Variants in AK5 observed in about 807,000 individuals in gnomAD.
The protein encoded by AK5 is adenylate kinase isoenzyme 5.
AK5 carries 27 observed loss-of-function variants against 69.5 expected under a neutral mutation model. The ratio of observed to expected loss-of-function variants is 0.39; its 90% CI spans 0.29 to 0.54. The LOEUF (loss-of-function observed/expected upper bound fraction) is 0.54. Ranked by LOEUF, AK5 falls within the 20% of genes least tolerant of loss-of-function variation. The probability of loss-of-function intolerance (pLI) is 0.71; values close to 1 mark genes in which losing one functional copy is unlikely to be tolerated. For synonymous variants in AK5, 260 were observed against 244.4 expected (o/e 1.06, Z -0.60); for missense variants, 531 against 700.4 (o/e 0.76, Z 2.73).
chr1:77,531,997 G>T (rs1570321091), intron 12 of AK5: 1 of 138,632 alleles, frequency 7.2e-6, no homozygotes, highest in Admixed American at 6.9e-5. Context: ...CATCCGGCCG[G>T]CCGGCCGGCC....
chr1:77,374,774 C>T (rs1647193245), intron 6 of AK5, among the ~76,000 whole-genome samples: 1 of 150,854 alleles, frequency 6.6e-6, no homozygotes, highest in Non-Finnish European at 1.5e-5. Flanking sequence ...GAGCTATGAT[C>T]TCACCACTAC....
chr1:77,337,149 A>G (rs1661404201), intron 5 of AK5, among the ~76,000 whole-genome samples: 1 of 152,194 alleles, frequency 6.6e-6, no homozygotes, highest in South Asian at 2.1e-4. Flanking sequence ...TTTTATTCAA[A>G]GTATTAAAAA....
chr1:77,327,470 G>A (rs1313970992), intron 5 of AK5, among the ~76,000 whole-genome samples: 1 of 151,684 alleles, frequency 6.6e-6, no homozygotes, highest in Non-Finnish European at 1.5e-5. Flanking sequence ...GAAAATCTCT[G>A]CAGTGATTTT....
At chr1:77,432,218 G>C (rs1168691763) in intron 8 of AK5, among the ~76,000 whole-genome samples, 2 of 152,132 alleles carry the variant, frequency 1.3e-5, no homozygotes, top group Non-Finnish European at 2.9e-5. Context: ...CCTGTAGTTA[G>C]ATTTTCATTG....
At chr1:77,315,807 T>C (rs1660215862) in intron 5 of AK5, among the ~76,000 whole-genome samples, 1 of 152,086 alleles carries the variant, frequency 6.6e-6, no homozygotes, top group African/African-American at 2.4e-5. Context: ...ACAGAAGATA[T>C]AATATTTCTT....
At chr1:77,291,448 C>T (rs1244385625) in intron 2 of AK5, among the ~76,000 whole-genome samples, 2 of 152,092 alleles carry the variant, frequency 1.3e-5, no homozygotes, top group East Asian at 1.9e-4. Context: ...GCAGATTAAC[C>T]TTCCTAAAAC....
chr1:77,294,018 C>A (rs1310957150), intron 3 of AK5, 58 bp downstream of exon 3: 1 of 1,518,764 alleles, frequency 6.6e-7, no homozygotes, highest in Non-Finnish European at 8.9e-7. Flanking sequence ...TATATATTTA[C>A]ATTTCAAAAA....
At chr1:77,373,644 T>C (rs987058697) in intron 6 of AK5, among the ~76,000 whole-genome samples, 5 of 151,900 alleles carry the variant, frequency 3.3e-5, no homozygotes, top group African/African-American at 9.7e-5. Flanking sequence ...AACAATCGCT[T>C]GAACCCGGGA....
At chr1:77,472,125 A>G (rs1654543683) in intron 8 of AK5, among the ~76,000 whole-genome samples, 1 of 152,236 alleles carries the variant, frequency 6.6e-6, no homozygotes, top group Admixed American at 6.5e-5. Context: ...GCTGCCTGCC[A>G]CCTGCAAGTA....
At chr1:77,536,982 T>A (rs1010481697) in intron 13 of AK5, among the ~76,000 whole-genome samples, 7 of 152,136 alleles carry the variant, frequency 4.6e-5, no homozygotes, top group Admixed American at 4.6e-4. Context: ...CTTCCACTCA[T>A]CCCATAACTA....
At chr1:77,282,458 C>T in intron 1 of AK5, 85 bp downstream of exon 1, 1 of 1,473,488 alleles carries the variant, frequency 6.8e-7, no homozygotes, top group South Asian at 1.4e-5. Context: ...CCCCGTCCCA[C>T]CTTCCCCACA....
intron 8 of AK5, among the ~76,000 whole-genome samples, chr1:77,440,176 A>G (rs753758998): frequency 1.1e-4 from 16 of 150,730 alleles, no homozygotes; most frequent in Non-Finnish European, 2.2e-4. Context: ...AGTGCTTTCA[A>G]ATTTTCTCAG....
chr1:77,353,285 C>T (rs1198411244), intron 6 of AK5, among the ~76,000 whole-genome samples: 1 of 152,044 alleles, frequency 6.6e-6, no homozygotes, highest in African/African-American at 2.4e-5. Context: ...CAAGACCAGC[C>T]TAGCCAACAT....
intron 8 of AK5, among the ~76,000 whole-genome samples, chr1:77,440,170 C>T (rs1422384559): frequency 1.3e-5 from 2 of 151,014 alleles, no homozygotes; most frequent in African/African-American, 4.8e-5. Flanking sequence ...CAGTCTAGTG[C>T]TTTCAAATTT....
intron 2 of AK5, 200 bp from the exon 3 acceptor site, chr1:77,293,593 A>G (rs979140630): frequency 6.7e-6 from 3 of 447,820 alleles, no homozygotes; most frequent in Non-Finnish European, 1.2e-5. Context: ...TTGAATAGAA[A>G]CTGCACGGCT....
At chr1:77,456,699 C>T (rs570195213) in intron 8 of AK5, among the ~76,000 whole-genome samples, 4 of 152,300 alleles carry the variant, frequency 2.6e-5, no homozygotes, top group African/African-American at 7.2e-5. Context: ...TGGTTGGTCA[C>T]CCTAGTTCCA....
intron 8 of AK5, among the ~76,000 whole-genome samples, chr1:77,435,375 C>G: frequency 6.6e-6 from 1 of 152,172 alleles, no homozygotes; most frequent in Non-Finnish European, 1.5e-5. Flanking sequence ...AGAGGCTGGG[C>G]ATGGTGGCTC....
At chr1:77,483,217 C>A in intron 8 of AK5, 100 bp from the exon 9 acceptor site, 1 of 822,278 alleles carries the variant, frequency 1.2e-6, no homozygotes. Flanking sequence ...AGGTGCCTCC[C>A]TCTTACAGTT....
At chr1:77,308,107 G>A (rs1659743489) in intron 5 of AK5, among the ~76,000 whole-genome samples, 1 of 152,158 alleles carries the variant, frequency 6.6e-6, no homozygotes, top group Admixed American at 6.5e-5. Context: ...TGGGAAATGT[G>A]ATCAAGTGGT....
Sources: allele counts gnomAD v4.1 joint callset (sites outside exome capture counted in the v4.1 genomes callset), GRCh38; gene constraint gnomAD v4.1.1; transcripts MANE v1.5; gene names NCBI Gene and HGNC (gene_info 2026-07-23, HGNC 2026-07-21).